ODR4: variants seen among roughly 807,000 people sequenced by gnomAD.
The protein encoded by ODR4 is protein odr-4 homolog.
A neutral mutation model predicts 60.2 loss-of-function variants in ODR4; 47 were observed. That is an observed-to-expected ratio of 0.78 (90% confidence interval 0.62 to 1.00). The LOEUF is 1.00. Ranked by LOEUF, ODR4 falls within the 50% of genes least tolerant of loss-of-function variation. The pLI is 0.00. For missense variants in ODR4, 488 were observed against 530.8 expected (o/e 0.92, Z 0.79); for synonymous variants, 178 against 175.5 (o/e 1.01, Z -0.11).
At chr1:186,397,634 A>G (rs1338268188) in intron 9 of ODR4, among the ~76,000 whole-genome samples, 4 of 152,198 alleles carry the variant, frequency 2.6e-5, no homozygotes, top group African/African-American at 9.7e-5. Context: ...TTGGTGCTCA[A>G]TAAGTTTTGG....
chr1:186,390,113 T>A (rs376058338), intron 6 of ODR4, among the ~76,000 whole-genome samples: 3 of 152,248 alleles, frequency 2.0e-5, no homozygotes, highest in African/African-American at 7.2e-5. Context: ...GCCAACTTTT[T>A]AAAAAATTGT....
At chr1:186,398,609 T>C (rs578219359) in intron 10 of ODR4, among the ~76,000 whole-genome samples, 168 bp downstream of exon 10, 1 of 152,344 alleles carries the variant, frequency 6.6e-6, no homozygotes, top group African/African-American at 2.4e-5. Flanking sequence ...GATTTTCATA[T>C]GTAGAGTATC....
At chr1:186,387,453 C>T (rs1345477941) in intron 4 of ODR4, among the ~76,000 whole-genome samples, 5 of 152,120 alleles carry the variant, frequency 3.3e-5, no homozygotes, top group African/African-American at 1.2e-4. Context: ...AGAGATACAG[C>T]CAGGCCCACT....
intron 12 of ODR4, among the ~76,000 whole-genome samples, chr1:186,414,861 C>A (rs114760169): frequency 0.017 from 2,515 of 152,130 alleles, 33 homozygotes; most frequent in Non-Finnish European, 0.025. Flanking sequence ...CATAGAAGAG[C>A]CGAAGTTTGT....
intron 3 of ODR4, 98 bp from the exon 4 acceptor site, chr1:186,385,890 G>C: frequency 1.5e-6 from 1 of 676,754 alleles, no homozygotes; most frequent in Admixed American, 3.3e-5. Flanking sequence ...GTAGTTTTAA[G>C]GTGAAAAGCT....
intron 11 of ODR4, among the ~76,000 whole-genome samples, chr1:186,399,689 G>A (rs970735000): frequency 1.4e-4 from 21 of 151,772 alleles, no homozygotes; most frequent in African/African-American, 4.8e-4. Context: ...AAATAATTTA[G>A]CCATAATCAA....
chr1:186,389,000 G>A (rs929631832), intron 5 of ODR4, among the ~76,000 whole-genome samples: 15 of 152,178 alleles, frequency 9.9e-5, no homozygotes, highest in African/African-American at 3.6e-4. Flanking sequence ...TGGCTAAGAT[G>A]AAATGACACT....
At chr1:186,411,726 C>A in intron 12 of ODR4, 1 of 233,930 alleles carries the variant, frequency 4.3e-6, no homozygotes, top group South Asian at 1.6e-4. Context: ...CTTTCATAAA[C>A]TTTTAATATT....
chr1:186,383,641 T>C (rs1660126449), intron 3 of ODR4, among the ~76,000 whole-genome samples: 1 of 150,064 alleles, frequency 6.7e-6, no homozygotes, highest in Non-Finnish European at 1.5e-5. Context: ...TTTAAATCTT[T>C]AAATCTTTTA....
At chr1:186,399,108 A>T (rs1374955682) in intron 11 of ODR4, 64 bp downstream of exon 11, 3 of 974,168 alleles carry the variant, frequency 3.1e-6, no homozygotes, top group Non-Finnish European at 4.8e-6. Context: ...AGATATCAAG[A>T]TATAGCAGAT....
At chr1:186,401,194 G>A in intron 11 of ODR4, 3 of 1,570,682 alleles carry the variant, frequency 1.9e-6, no homozygotes, top group Non-Finnish European at 2.6e-6. Flanking sequence ...TTTTGCTGAT[G>A]TTCAATTAGT....
chr1:186,392,898 G>A (rs1173064558), intron 8 of ODR4, among the ~76,000 whole-genome samples: 3 of 152,204 alleles, frequency 2.0e-5, no homozygotes, highest in African/African-American at 4.8e-5. Flanking sequence ...CAAGCTACTC[G>A]GGGTGCTGAG....
In ODR4 at chr1:186,421,168, C is replaced by G. The variant is rs577245164; in HGVS notation, c.*2092C>G. Reference sequence around the variant, plus strand: ...TGAAAAACAGATGTTATCCTCAGCACAAATTCAGTAAAGAGACTACAAAAG... The same window carrying G: ...TGAAAAACAGATGTTATCCTCAGCAGAAATTCAGTAAAGAGACTACAAAAG... On this transcript the variant is annotated 3_prime_UTR_variant, in exon 14 of 14. Coordinates refer to ENST00000287859, the MANE Select transcript of ODR4 (RefSeq NM_017847.6). 6.6e-6 allele frequency: 1 copy of G among 152,184 alleles called. No individual in the cohort carries two copies. The highest frequency in any genetic ancestry group is 1.9e-4 in the East Asian group (1 of 5,178). The allele number at this position is 152,184 out of a possible 1,614,324, so 9.4% of individuals were successfully genotyped here. A position where few individuals can be genotyped will look rare whatever the true frequency, so the allele number is the denominator to read the frequency against.
intron 11 of ODR4, chr1:186,401,254 A>T: frequency 7.6e-7 from 1 of 1,323,126 alleles, no homozygotes; most frequent in Non-Finnish European, 1.0e-6. Flanking sequence ...GTTAAACTTG[A>T]TACATTTAGA....
At position 186,390,798 on chromosome 1, in the gene ODR4, C is replaced by T. The variant is rs773519415; in HGVS notation, c.562C>T (p.His188Tyr). ...SLECTVHINI[H>Y]IPLSATSVSY... ...AGAGTGTACAGTTCACATTAATATT[C>T]ACATCCCACTTTCTGCTACTTCTGT... The change falls in exon 7 of 14, where the codon CAC (histidine) becomes TAC (tyrosine). Residue 188 changes from histidine to tyrosine, a missense_variant. By Grantham distance (83) the His-to-Tyr change is moderately conservative. Transcript: ENST00000287859. 6.2e-7 allele frequency: 1 copy of T among 1,612,824 alleles called. No individual in the cohort carries two copies. Among genetic ancestry groups the T allele is most frequent in the South Asian group, 1.1e-5 (1 of 91,036 alleles).
In ODR4 at chr1:186,390,877, C is replaced by T. The variant is rs557617777; in HGVS notation, c.615+26C>T. The T allele has an allele frequency of 1.0e-5, 16 of 1,592,964 alleles. No individual in the cohort carries two copies. The South Asian group carries it at 1.8e-4, about 18-fold the overall frequency. ...GTACCAGGGTAAAATGAATTTTCTT[C>T]AGTGATTGCTGAGTGAACAATCTGC... is the stretch of plus-strand genomic sequence containing the variant. On this transcript the variant is annotated intron_variant, in intron 7 of 13. Transcript: ENST00000287859.
intron 10 of ODR4, 25 bp from the exon 11 acceptor site, chr1:186,398,929 G>A (rs1237355332): frequency 1.3e-5 from 20 of 1,514,112 alleles, no homozygotes; most frequent in East Asian, 2.3e-5. Context: ...TTCTTACTGT[G>A]TTTTTTGTGT....
chr1:186,412,836 G>T (rs928177246), intron 12 of ODR4, among the ~76,000 whole-genome samples: 1 of 151,814 alleles, frequency 6.6e-6, no homozygotes, highest in Non-Finnish European at 1.5e-5. Flanking sequence ...AACAGAAAGA[G>T]ATATATAAAT....
At chr1:186,395,807 T>G (rs1454802867) in intron 9 of ODR4, among the ~76,000 whole-genome samples, 7 of 152,300 alleles carry the variant, frequency 4.6e-5, no homozygotes, top group Middle Eastern at 3.4e-3. Flanking sequence ...CAGTTATTAA[T>G]TTTTTTCAAG....
Sources: allele counts gnomAD v4.1 joint callset (sites outside exome capture counted in the v4.1 genomes callset), GRCh38; gene constraint gnomAD v4.1.1; transcripts MANE v1.5; gene names NCBI Gene and HGNC (gene_info 2026-07-23, HGNC 2026-07-21).